The following SS18L2 variants were observed in gnomAD, a reference collection of about 807,000 sequenced individuals.
SS18L2 encodes the protein SS18-like protein 2.
Under a neutral mutation model 10.3 loss-of-function variants are expected in SS18L2, and 8 were observed. That is an observed-to-expected ratio of 0.78 (90% CI 0.46 to 1.41). The LOEUF (loss-of-function observed/expected upper bound fraction) is 1.41. Ranked by LOEUF, SS18L2 falls within the 40% of genes most tolerant of loss-of-function variation. The probability of loss-of-function intolerance (pLI) is 0.00; values close to 1 mark genes in which losing one functional copy is unlikely to be tolerated. For synonymous variants in SS18L2, 41 were observed against 34.6 expected (o/e 1.19, Z -0.65); for missense variants, 100 against 96.2 (o/e 1.04, Z -0.17).
chr3:42,591,472 C>T (rs1704837659), intron 1 of SS18L2, 53 bp from the exon 2 acceptor site: 4 of 1,368,174 alleles, frequency 2.9e-6, no homozygotes, highest in Non-Finnish European at 4.2e-6. Flanking sequence ...GGGTTACAGG[C>T]GTGAGCCACT....
intron 1 of SS18L2, 189 bp downstream of exon 1, chr3:42,591,155 C>T: frequency 1.6e-6 from 1 of 641,684 alleles, no homozygotes; most frequent in South Asian, 1.8e-5. Flanking sequence ...GCATGGGGTT[C>T]GGTCCCCCGC....
intron 1 of SS18L2, chr3:42,582,145 G>C (rs1704423628): frequency 6.6e-6 from 1 of 152,250 alleles, no homozygotes; most frequent in Admixed American, 6.5e-5. Context: ...GAGGGAGTGT[G>C]ACGGGGGCGC....
At chr3:42,587,659 C>T (rs1352186406), upstream of SS18L2, 1 of 151,980 alleles carries the variant, frequency 6.6e-6, no homozygotes, top group East Asian at 1.9e-4. Context: ...TGGCATGAAC[C>T]TGGGAGGCGG....
At chr3:42,591,676 T>A (rs1704852701) in intron 2 of SS18L2, 75 bp downstream of exon 2, 1 of 1,034,748 alleles carries the variant, frequency 9.7e-7, no homozygotes, top group African/African-American at 1.6e-5. Flanking sequence ...TTTCTCGAAC[T>A]AAGAGTCTTG....
At chr3:42,585,033 G>A (rs1036731268) in intron 1 of SS18L2, among the ~76,000 whole-genome samples, 1 of 152,180 alleles carries the variant, frequency 6.6e-6, no homozygotes, top group African/African-American at 2.4e-5. Context: ...GGAGGCTGAG[G>A]CAGGAGAATC....
intron 2 of SS18L2, among the ~76,000 whole-genome samples, chr3:42,593,315 G>A (rs1704917632): frequency 6.6e-6 from 1 of 152,186 alleles, no homozygotes; most frequent in South Asian, 2.1e-4. Context: ...TACTTGGGAG[G>A]CCGAGGCAGG....
In SS18L2 at chr3:42,596,011, G is replaced by GGTTTT. The variant is rs538642403; in HGVS notation, c.*1518_*1522dup. Reference sequence around the variant, plus strand: ...CTTTTTTCTTTTTCTTCTTTTTTTTGGTTTTGTTTTGTTTTGTTTTTGTTT... The same window carrying GGTTTT: ...CTTTTTTCTTTTTCTTCTTTTTTTTGGTTTTGTTTTGTTTTGTTTTGTTTTTGTTT... On this transcript the variant is annotated 3_prime_UTR_variant, in exon 3 of 3. Coordinates refer to ENST00000011691, the MANE Select transcript of SS18L2 (RefSeq NM_001370300.1). Among the ~76,000 whole-genome samples, 1 of 151,592 alleles carries GGTTTT rather than the reference G, an allele frequency of 6.6e-6. No individual in the cohort carries two copies. Among genetic ancestry groups the GGTTTT allele is most frequent in the Non-Finnish European group, 1.5e-5 (1 of 67,860 alleles).
Position 42,590,918 on chromosome 3 carries a change from G to A in SS18L2, c.21G>A (p.Pro7=). The change falls in exon 1 of 3, where the codon CCG becomes CCA. Residue 7 remains proline (P), a synonymous_variant. Transcript: ENST00000011691. ...TCGGGATGTCGGTGGCCTTCGTACCGGACTGGCTGAGGGGCAAGGCGGAAG... is the reference window on the plus strand; with the variant it reads ...TCGGGATGTCGGTGGCCTTCGTACCAGACTGGCTGAGGGGCAAGGCGGAAG... MSVAFV[P]DWLRGKAEVN... 1 of 1,613,320 alleles carries A rather than the reference G, an allele frequency of 6.2e-7. No homozygotes were observed. The highest frequency in any genetic ancestry group is 8.5e-7 in the Non-Finnish European group (1 of 1,179,712).
At chr3:42,589,460 G>C (rs569486931), upstream of SS18L2, among the ~76,000 whole-genome samples, 1 of 152,160 alleles carries the variant, frequency 6.6e-6, no homozygotes, top group African/African-American at 2.4e-5. Context: ...TAAATGAAGT[G>C]GCCGCTGCTC....
At chr3:42,591,173 A>ACGTCACAC (rs377557132) in intron 1 of SS18L2, 21,632 of 611,998 alleles carry the variant, frequency 0.035, 614 homozygotes, top group South Asian at 0.078. Context: ...CGCCGTCCAG[A>ACGTCACAC]CGTCACACTG....
At chr3:42,588,779 G>A (rs1704708655), upstream of SS18L2, among the ~76,000 whole-genome samples, 1 of 152,116 alleles carries the variant, frequency 6.6e-6, no homozygotes, top group South Asian at 2.1e-4. Context: ...GTGGAACTAC[G>A]GAAGACCTGT....
At chr3:42,590,361 T>C (rs78095399), upstream of SS18L2, among the ~76,000 whole-genome samples, 816 of 152,136 alleles carry the variant, frequency 5.4e-3, 8 homozygotes, top group African/African-American at 0.019. Context: ...CTCCTGCAGA[T>C]AGATTGAGTA....
chr3:42,590,940 G>T lies in SS18L2; in HGVS notation c.43G>T (p.Glu15Ter). 1 of 1,359,312 alleles carries T rather than the reference G, an allele frequency of 7.4e-7. No homozygotes were observed. Among genetic ancestry groups the T allele is most frequent in the Non-Finnish European group, 9.7e-7 (1 of 1,025,724 alleles). The allele number at this position is 1,359,312 out of a possible 1,614,324, so 84.2% of individuals were successfully genotyped here. A position where few individuals can be genotyped will look rare whatever the true frequency, so the allele number is the denominator to read the frequency against. ...FVPDWLRGKA[E>*]VNQETIQRLL... ...ACCGGACTGGCTGAGGGGCAAGGCG[G>T]AAGTCAATCAAGAGACTATCCAGCG... Residue 15 changes from glutamate (E) to a stop codon, truncating the protein, a stop_gained, in exon 1 of 3, where the codon GAA (glutamate) becomes TAA (stop). Transcript: ENST00000011691. LOFTEE classifies it high-confidence loss of function.
At chr3:42,589,605 G>C (rs1028653708), upstream of SS18L2, among the ~76,000 whole-genome samples, 2 of 152,218 alleles carry the variant, frequency 1.3e-5, no homozygotes, top group Non-Finnish European at 2.9e-5. Context: ...AGATCAGCGG[G>C]GGCATTAGGA....
upstream of SS18L2, among the ~76,000 whole-genome samples, chr3:42,590,413 G>A (rs966338845): frequency 6.6e-6 from 1 of 152,018 alleles, no homozygotes; most frequent in Non-Finnish European, 1.5e-5. Flanking sequence ...GGCGGATCAC[G>A]AGGTCAGGAG....
chr3:42,594,304 C>G (rs2125742343), intron 2 of SS18L2, 118 bp from the exon 3 acceptor site: 1 of 717,630 alleles, frequency 1.4e-6, no homozygotes, highest in Non-Finnish European at 2.5e-6. Flanking sequence ...GTTGATAACA[C>G]TGAATCATCC....
intron 1 of SS18L2, among the ~76,000 whole-genome samples, chr3:42,583,517 T>C (rs1299493199): frequency 6.6e-6 from 1 of 152,148 alleles, no homozygotes; most frequent in Admixed American, 6.5e-5. Context: ...CTTAGACAAG[T>C]TGAATTTGAG....
chr3:42,594,503 G>A lies in SS18L2; in HGVS notation c.228G>A (p.Met76Ile). The A allele has an allele frequency of 6.2e-7, 1 of 1,612,862 alleles. No homozygotes were observed. The highest frequency in any genetic ancestry group is 8.5e-7 in the Non-Finnish European group (1 of 1,179,032). The change falls in exon 3 of 3, where the codon ATG (methionine) becomes ATA (isoleucine). Residue 76 changes from methionine (M) to isoleucine (I), a missense_variant. Physicochemically the swap from Met to Ile is conservative, Grantham distance 10. Coordinates refer to ENST00000011691, the MANE Select transcript of SS18L2 (RefSeq NM_001370300.1). The stretch of plus-strand genomic sequence containing the variant: ...GTCCAACCAGCACTTCAAAAGCAAT[G>A]GAATAATCTTTCAAAAGCAATAGAA... ...DASPTSTSKA[M>I]E
At chr3:42,582,728 G>T (rs1417533896) in intron 1 of SS18L2, among the ~76,000 whole-genome samples, 1 of 152,132 alleles carries the variant, frequency 6.6e-6, no homozygotes, top group Non-Finnish European at 1.5e-5. Flanking sequence ...AAGCTTCTAG[G>T]CTGGTGTTGG....
Sources: allele counts gnomAD v4.1 joint callset (sites outside exome capture counted in the v4.1 genomes callset), GRCh38; gene constraint gnomAD v4.1.1; transcripts MANE v1.5; gene names NCBI Gene and HGNC (gene_info 2026-07-23, HGNC 2026-07-21).